CLASP1: variants seen among roughly 807,000 people sequenced by gnomAD.
The protein encoded by CLASP1 is CLIP-associating protein 1.
Under a neutral mutation model 192.3 loss-of-function variants are expected in CLASP1, and 38 were observed. The ratio of observed to expected loss-of-function variants is 0.20; its 90% CI spans 0.15 to 0.26. The LOEUF (loss-of-function observed/expected upper bound fraction) is 0.26, where lower values mean the gene tolerates loss of function less well. CLASP1 is among the 10% of genes least tolerant of loss of function. The probability of loss-of-function intolerance (pLI) is 1.00; values close to 1 mark genes in which losing one functional copy is unlikely to be tolerated. For synonymous variants in CLASP1, 691 were observed against 712.8 expected (o/e 0.97, Z 0.49); for missense variants, 1,433 against 1,932.5 (o/e 0.74, Z 4.85).
chr2:121,432,494 T>G lies in CLASP1; in HGVS notation c.1913-2317A>C, dbSNP rs530224505. Among the ~76,000 whole-genome samples, 8 of 152,346 alleles carry G rather than the reference T, an allele frequency of 5.3e-5. No individual in the cohort carries two copies. The South Asian group carries it at 1.7e-3, about 32-fold the overall frequency. ...ATTCGCCTTTTCCTAAGCCCTTTGC[T>G]GTCTTCCATATGTATGTGCAGACAC... On this transcript the variant is annotated intron_variant, in intron 19 of 39. Transcript: ENST00000263710.
intron 32 of CLASP1, among the ~76,000 whole-genome samples, chr2:121,386,292 A>G (rs1253552988): frequency 6.6e-6 from 1 of 152,218 alleles, no homozygotes; most frequent in Non-Finnish European, 1.5e-5. Flanking sequence ...CCCTCAGGAC[A>G]CAAGCTTACT....
chr2:121,567,076 G>A (rs2059574283), intron 2 of CLASP1, among the ~76,000 whole-genome samples: 1 of 152,178 alleles, frequency 6.6e-6, no homozygotes, highest in African/African-American at 2.4e-5. Flanking sequence ...ACCTATTAAA[G>A]GGGAATTACA....
chr2:121,448,953 T>C lies in CLASP1; in HGVS notation c.1691A>G (p.Asn564Ser), dbSNP rs754122561. The C allele has an allele frequency of 2.5e-6, 4 of 1,612,720 alleles. No individual in the cohort carries two copies. In the South Asian group the frequency reaches 4.4e-5, roughly 18 times the overall value. The change falls in exon 17 of 40, where the codon AAT becomes AGT. Residue 564 changes from asparagine to serine, a missense_variant and splice_region_variant. Physicochemically the swap from Asn to Ser is conservative, Grantham distance 46. Around this residue, in one of 8 missense-constraint regions of CLASP1, gnomAD observed 445 missense variants for 535.5 expected, o/e 0.83. Transcript: ENST00000263710. Reference sequence around the variant, plus strand: ...TGATAAGCAAAGATGAATCTCTTACTTTAGACTCTCTTGAGAGCTGGAAGA... The same window carrying C: ...TGATAAGCAAAGATGAATCTCTTACCTTAGACTCTCTTGAGAGCTGGAAGA...
intron 2 of CLASP1, among the ~76,000 whole-genome samples, chr2:121,549,525 A>G (rs922220907): frequency 2.6e-5 from 4 of 152,150 alleles, no homozygotes; most frequent in African/African-American, 9.7e-5. Flanking sequence ...AATATTAGAC[A>G]GATCATCAAG....
chr2:121,457,450 C>CACAT (rs2086914650), intron 14 of CLASP1, among the ~76,000 whole-genome samples: 1 of 149,348 alleles, frequency 6.7e-6, no homozygotes, highest in Non-Finnish European at 1.5e-5. Context: ...CTTTCTCTCA[C>CACAT]ACAGACATAC....
intron 2 of CLASP1, among the ~76,000 whole-genome samples, chr2:121,592,101 C>A (rs1012166948): frequency 6.6e-6 from 1 of 152,222 alleles, no homozygotes; most frequent in Admixed American, 6.5e-5. Flanking sequence ...ACAATTCCCC[C>A]TTAACCCACA....
chr2:121,452,178 T>C (rs2085623922), intron 14 of CLASP1, among the ~76,000 whole-genome samples: 1 of 152,170 alleles, frequency 6.6e-6, no homozygotes, highest in African/African-American at 2.4e-5. Context: ...AATATGTTAA[T>C]AGAGAATGTA....
intron 1 of CLASP1, among the ~76,000 whole-genome samples, chr2:121,628,451 G>C (rs2068796989): frequency 6.6e-6 from 1 of 151,934 alleles, no homozygotes; most frequent in African/African-American, 2.4e-5. Context: ...TGAGGTGCGT[G>C]GATCACTTGA....
intron 2 of CLASP1, among the ~76,000 whole-genome samples, chr2:121,563,300 G>C (rs764287381): frequency 2.4e-4 from 36 of 152,166 alleles, no homozygotes; most frequent in Non-Finnish European, 2.6e-4. Context: ...ATGATTTGTT[G>C]AAAGAGTCTA....
intron 39 of CLASP1, among the ~76,000 whole-genome samples, chr2:121,346,485 G>C (rs2063477486): frequency 6.6e-6 from 1 of 152,226 alleles, no homozygotes; most frequent in Non-Finnish European, 1.5e-5. Flanking sequence ...ACCCTTAAAG[G>C]AACATTAGAG....
At chr2:121,532,331 C>T (rs1166190053) in intron 2 of CLASP1, 5 of 152,210 alleles carry the variant, frequency 3.3e-5, no homozygotes, top group Admixed American at 1.3e-4. Flanking sequence ...AATGACTCTA[C>T]TTTCCAGCTA....
chr2:121,623,496 G>C (rs993643929), intron 1 of CLASP1, among the ~76,000 whole-genome samples: 1 of 152,164 alleles, frequency 6.6e-6, no homozygotes, highest in African/African-American at 2.4e-5. Flanking sequence ...TAGTTTTCTT[G>C]TCTTGTGACA....
intron 32 of CLASP1, among the ~76,000 whole-genome samples, chr2:121,383,188 G>C (rs1340320657): frequency 6.6e-6 from 1 of 152,186 alleles, no homozygotes; most frequent in African/African-American, 2.4e-5. Flanking sequence ...GGCCATGGGT[G>C]GAGTCCATGG....
At chr2:121,455,623 T>C (rs554660892) in intron 14 of CLASP1, among the ~76,000 whole-genome samples, 55 of 152,352 alleles carry the variant, frequency 3.6e-4, no homozygotes, top group African/African-American at 1.3e-3. Flanking sequence ...CTTAGTGCAG[T>C]GGCTCACAAC....
Position 121,525,841 on chromosome 2 carries a change from T to A in CLASP1, c.546+4A>T. On this transcript the variant is annotated splice_donor_region_variant and intron_variant, in intron 6 of 39. Transcript: ENST00000263710. Reference sequence around the variant, plus strand: ...TTCTCCCGAGGGTTTTCCTTCTCACTCACCTGGCTGTTTGGATCTCCAAGT... The same window carrying A: ...TTCTCCCGAGGGTTTTCCTTCTCACACACCTGGCTGTTTGGATCTCCAAGT... 1 of 1,608,854 alleles carries A rather than the reference T, an allele frequency of 6.2e-7. No homozygotes were observed. The highest frequency in any genetic ancestry group is 8.5e-7 in the Non-Finnish European group (1 of 1,175,756).
At chr2:121,339,691 A>G (rs1040161704) in exon 40 of CLASP1, 1 of 152,216 alleles carries the variant, frequency 6.6e-6, no homozygotes, top group African/African-American at 2.4e-5. Flanking sequence ...TTTTTCTGCA[A>G]TCTGCTACAC....
chr2:121,419,351 C>T (rs1470959738), intron 22 of CLASP1, among the ~76,000 whole-genome samples: 1 of 151,688 alleles, frequency 6.6e-6, no homozygotes, highest in African/African-American at 2.4e-5. Flanking sequence ...ATTCTCGAAA[C>T]CAGCAGATAT....
chr2:121,565,986 G>A (rs1240945189), intron 2 of CLASP1, among the ~76,000 whole-genome samples: 1 of 152,150 alleles, frequency 6.6e-6, no homozygotes, highest in Non-Finnish European at 1.5e-5. Flanking sequence ...TTGTTTCAGG[G>A]ACGGCCAGAA....
intron 8 of CLASP1, among the ~76,000 whole-genome samples, chr2:121,497,157 G>A (rs754564746): frequency 8.5e-5 from 13 of 152,246 alleles, no homozygotes; most frequent in Middle Eastern, 3.4e-3. Context: ...GGTAAAGATC[G>A]TTAATTATAT....
Sources: allele counts gnomAD v4.1 joint callset (sites outside exome capture counted in the v4.1 genomes callset), GRCh38; gene constraint gnomAD v4.1.1; regional missense constraint gnomAD v4.1.1; transcripts MANE v1.5; gene names NCBI Gene and HGNC (gene_info 2026-07-23, HGNC 2026-07-21).